LRP1B: variants seen among roughly 807,000 people sequenced by gnomAD.
LRP1B encodes the protein low-density lipoprotein receptor-related protein 1B.
LRP1B carries 217 observed loss-of-function variants against 556.6 expected under a neutral mutation model. The ratio of observed to expected loss-of-function variants is 0.39; its 90% CI spans 0.35 to 0.44. The LOEUF (loss-of-function observed/expected upper bound fraction) is 0.44, where lower values mean the gene tolerates loss of function less well. Among genes scored for constraint, LRP1B ranks in the 20% least tolerant of loss-of-function variants. The pLI is 1.00. For synonymous variants in LRP1B, 2,047 were observed against 1,865.8 expected (o/e 1.10, Z -2.50); for missense variants, 5,053 against 5,620.8 (o/e 0.90, Z 3.23).
intron 28 of LRP1B, among the ~76,000 whole-genome samples, chr2:140,850,847 A>G (rs1692436349): frequency 6.6e-6 from 1 of 152,140 alleles, no homozygotes. Context: ...AATTTGTAGT[A>G]ACTAACATTG....
chr2:141,882,221 C>T lies in LRP1B; in HGVS notation c.83-71820G>A, dbSNP rs187763466. On this transcript the variant is annotated intron_variant, in intron 1 of 90. Transcript: ENST00000389484. ...CTGGGTCAGCCACCCCCAAAGCCCA[C>T]GGGTTGGAGAGCAGGCAGGCAAGAA... Among the ~76,000 whole-genome samples, 1,105 of 152,206 alleles carry T rather than the reference C, an allele frequency of 7.3e-3. 14 individuals carry two copies. The highest frequency in any genetic ancestry group is 8.1e-3 in the Non-Finnish European group (552 of 68,016).
At chr2:141,747,274 C>T (rs868469119) in intron 2 of LRP1B, among the ~76,000 whole-genome samples, 7 of 152,190 alleles carry the variant, frequency 4.6e-5, no homozygotes, top group South Asian at 2.1e-4. Flanking sequence ...ACATATTACA[C>T]TGAAATGTTA....
intron 25 of LRP1B, among the ~76,000 whole-genome samples, chr2:140,869,238 C>T (rs1385787524): frequency 1.3e-5 from 2 of 152,116 alleles, no homozygotes; most frequent in Non-Finnish European, 2.9e-5. Flanking sequence ...ATAAATTTTA[C>T]TCCGCCTTAC....
intron 2 of LRP1B, among the ~76,000 whole-genome samples, chr2:141,576,961 C>A (rs1054149625): frequency 1.1e-4 from 17 of 151,502 alleles, no homozygotes; most frequent in Admixed American, 8.6e-4. Context: ...CCCAGCCAAT[C>A]CTCAGTTATT....
chr2:142,040,093 A>G (rs549568135), intron 1 of LRP1B, among the ~76,000 whole-genome samples: 1 of 151,612 alleles, frequency 6.6e-6, no homozygotes, highest in African/African-American at 2.4e-5. Flanking sequence ...CCCAGAGTAC[A>G]CTAGTACCAT....
At chr2:140,977,167 T>G (rs1214925959) in intron 18 of LRP1B, among the ~76,000 whole-genome samples, 1 of 152,124 alleles carries the variant, frequency 6.6e-6, no homozygotes, top group Non-Finnish European at 1.5e-5. Flanking sequence ...AGGGACCCAG[T>G]GGGAGGTAAT....
chr2:140,847,625 G>A (rs112589903), intron 29 of LRP1B, among the ~76,000 whole-genome samples: 1,575 of 152,140 alleles, frequency 0.01, 20 homozygotes, highest in African/African-American at 0.032. Flanking sequence ...AAATTAGCCA[G>A]GCATGGTGGT....
chr2:141,662,216 A>G (rs903045274), intron 2 of LRP1B, among the ~76,000 whole-genome samples: 2 of 152,204 alleles, frequency 1.3e-5, no homozygotes, highest in Non-Finnish European at 2.9e-5. Context: ...GTTACCAGCC[A>G]CTATAAAAAC....
At chr2:142,108,560 T>A (rs540193123) in intron 1 of LRP1B, among the ~76,000 whole-genome samples, 2 of 152,332 alleles carry the variant, frequency 1.3e-5, no homozygotes, top group East Asian at 3.9e-4. Flanking sequence ...AATAATTATT[T>A]CATGGCACTA....
chr2:140,660,885 T>TA (rs1189823400), intron 41 of LRP1B, among the ~76,000 whole-genome samples: 93 of 145,142 alleles, frequency 6.4e-4, no homozygotes, highest in African/African-American at 2.4e-3. Flanking sequence ...TTTTTTTTTT[T>TA]AAACTCTCAT....
In LRP1B at chr2:141,085,187, A is replaced by G. The variant is rs1700022246; in HGVS notation, c.1014-22914T>C. 3.3e-5 allele frequency among the ~76,000 whole-genome samples: 5 copies of G among 152,270 alleles called. No homozygotes were observed. The South Asian group carries it at 1.0e-3, about 32-fold the overall frequency. Reference sequence around the variant, plus strand: ...AACTGTGTTTGTGTTTATTATACACATATATAGACAAACATTTTTTTCCTG... The same window carrying G: ...AACTGTGTTTGTGTTTATTATACACGTATATAGACAAACATTTTTTTCCTG... On this transcript the variant is annotated intron_variant, in intron 7 of 90. Coordinates refer to ENST00000389484, the MANE Select transcript of LRP1B (RefSeq NM_018557.3).
chr2:141,216,879 A>G (rs1405576762), intron 6 of LRP1B, among the ~76,000 whole-genome samples: 1 of 152,124 alleles, frequency 6.6e-6, no homozygotes, highest in South Asian at 2.1e-4. Context: ...CCTCCATTGT[A>G]TCTTGGAAGG....
intron 7 of LRP1B, among the ~76,000 whole-genome samples, chr2:141,126,697 T>G (rs1701221745): frequency 6.6e-6 from 1 of 152,142 alleles, no homozygotes; most frequent in South Asian, 2.1e-4. Context: ...GCCACTCTTA[T>G]GGTTACAATC....
Position 140,541,785 on chromosome 2 carries a change from T to C in LRP1B, c.7381A>G (p.Asn2461Asp), listed in dbSNP as rs2105019818. The C allele has an allele frequency of 6.2e-7, 1 of 1,610,268 alleles. No individual in the cohort carries two copies. The highest frequency in any genetic ancestry group is 8.5e-7 in the Non-Finnish European group (1 of 1,177,424). ...GCTTTCTATTATAACTTACAGCTAT[T>C]GGTGTCATTGGCAACAGCTATGATT... is the stretch of plus-strand genomic sequence containing the variant. ...MGIIAVANDT[N>D]SCELSPCALL... The change falls in exon 44 of 91, where the codon AAT becomes GAT. Residue 2461 changes from asparagine (N) to aspartate (D), a missense_variant. Coordinates refer to ENST00000389484, the MANE Select transcript of LRP1B (RefSeq NM_018557.3).
intron 6 of LRP1B, among the ~76,000 whole-genome samples, chr2:141,220,860 G>A (rs1189456882): frequency 6.6e-6 from 1 of 151,216 alleles, no homozygotes; most frequent in African/African-American, 2.4e-5. Context: ...ATCCTTTTCA[G>A]ATAAGCAAAT....
chr2:141,692,295 G>T (rs1209129096), intron 2 of LRP1B, among the ~76,000 whole-genome samples: 1 of 151,818 alleles, frequency 6.6e-6, no homozygotes. Context: ...CTATGATCTG[G>T]GCCCTTTTCC....
At chr2:141,527,181 A>G (rs1684719140) in intron 2 of LRP1B, among the ~76,000 whole-genome samples, 1 of 151,994 alleles carries the variant, frequency 6.6e-6, no homozygotes, top group South Asian at 2.1e-4. Flanking sequence ...TTTCCAGGAC[A>G]AGACTAATTA....
At chr2:141,079,248 G>A (rs1370756729) in intron 7 of LRP1B, among the ~76,000 whole-genome samples, 1 of 152,156 alleles carries the variant, frequency 6.6e-6, no homozygotes, top group East Asian at 1.9e-4. Context: ...GGGAAAAGGA[G>A]TCAGTTGTCT....
chr2:140,737,917 C>T (rs964847359), intron 35 of LRP1B, among the ~76,000 whole-genome samples: 1 of 152,168 alleles, frequency 6.6e-6, no homozygotes, highest in Non-Finnish European at 1.5e-5. Flanking sequence ...ATTAATAAAG[C>T]CTCAGGTACA....
Sources: allele counts gnomAD v4.1 joint callset (sites outside exome capture counted in the v4.1 genomes callset), GRCh38; gene constraint gnomAD v4.1.1; transcripts MANE v1.5; gene names NCBI Gene and HGNC (gene_info 2026-07-23, HGNC 2026-07-21).